Variants in TIMP3 observed in about 807,000 individuals in gnomAD.
The protein encoded by TIMP3 is metalloproteinase inhibitor 3.
In TIMP3, 11 loss-of-function variants were observed where a neutral mutation model predicts 30.0. That is an observed-to-expected ratio of 0.37 (90% CI 0.23 to 0.61). TIMP3 has a LOEUF of 0.61. Among genes scored for constraint, TIMP3 ranks in the 20% least tolerant of loss-of-function variants. The pLI is 0.70. For synonymous variants in TIMP3, 112 were observed against 111.3 expected (o/e 1.01, Z -0.04); for missense variants, 181 against 276.8 (o/e 0.65, Z 2.45).
intron 1 of TIMP3, among the ~76,000 whole-genome samples, chr22:32,826,446 A>C (rs1404991152): frequency 6.6e-6 from 1 of 152,040 alleles, no homozygotes; most frequent in Non-Finnish European, 1.5e-5. Context: ...ATAAATAAAT[A>C]AATAAACAAA....
At position 32,857,997 on chromosome 22, in the gene TIMP3, TTTC is replaced by T. The variant is rs773913795; in HGVS notation, c.317-14_317-12del. The T allele has an allele frequency of 6.2e-7, 1 of 1,614,096 alleles. No homozygotes were observed. The highest frequency in any genetic ancestry group is 8.5e-7 in the Non-Finnish European group (1 of 1,179,990). ...TCTGGACAAAACAACCTCTCCTTGT[TTTC>T]TTCTTTCCTCCTGTAGGTCGCGTCT... On this transcript the variant is annotated splice_polypyrimidine_tract_variant and intron_variant, in intron 3 of 4. Transcript: ENST00000266085.
intron 1 of TIMP3, among the ~76,000 whole-genome samples, chr22:32,822,242 A>G (rs2047270884): frequency 1.3e-5 from 2 of 151,902 alleles, no homozygotes; most frequent in South Asian, 4.2e-4. Context: ...CCTGTGCCCA[A>G]AGTCTTCCTC....
rs115715764 is a variant in TIMP3 at position 32,827,102 on chromosome 22, C to T, written c.122-22350C>T. 5.7e-3 allele frequency among the ~76,000 whole-genome samples: 871 copies of T among 152,294 alleles called. 11 individuals carry two copies. Among genetic ancestry groups the T allele is most frequent in the African/African-American group, 0.018 (749 of 41,548 alleles). On this transcript the variant is annotated intron_variant, in intron 1 of 4. Transcript: ENST00000266085. The stretch of plus-strand genomic sequence containing the variant: ...GGCCCACTCTGAAGTTAAAAATCCC[C>T]GAGTGAATAAATCTCCAGCCTCTCC...
intron 1 of TIMP3, among the ~76,000 whole-genome samples, chr22:32,817,172 T>C (rs2146034132): frequency 6.6e-6 from 1 of 152,036 alleles, no homozygotes; most frequent in East Asian, 1.9e-4. Flanking sequence ...GAGCCATGAT[T>C]GTACCACTGC....
chr22:32,854,039 T>C (rs2048295923), intron 2 of TIMP3, among the ~76,000 whole-genome samples: 3 of 152,360 alleles, frequency 2.0e-5, no homozygotes, highest in Admixed American at 2.0e-4. Flanking sequence ...GATTCTCTGA[T>C]GTCAGGACAT....
chr22:32,804,441 A>G (rs75708893), intron 1 of TIMP3, among the ~76,000 whole-genome samples: 2 of 152,332 alleles, frequency 1.3e-5, no homozygotes, highest in African/African-American at 4.8e-5. Context: ...CTTGGGACCC[A>G]CACAACCCCA....
chr22:32,818,985 C>A (rs566662355), intron 1 of TIMP3, among the ~76,000 whole-genome samples: 1 of 152,364 alleles, frequency 6.6e-6, no homozygotes, highest in South Asian at 2.1e-4. Context: ...GCCTCCTCCT[C>A]CTCTGACACA....
At chr22:32,814,520 G>A (rs1201580581) in intron 1 of TIMP3, among the ~76,000 whole-genome samples, 1 of 152,108 alleles carries the variant, frequency 6.6e-6, no homozygotes, top group East Asian at 1.9e-4. Flanking sequence ...GACAAGAGAT[G>A]GCTTGACCAG....
Position 32,801,959 on chromosome 22 carries a change from G to A in TIMP3, c.-43G>A, listed in dbSNP as rs760772288. The A allele has an allele frequency of 7.8e-5, 122 of 1,568,986 alleles. No individual in the cohort carries two copies. Among genetic ancestry groups the A allele is most frequent in the Non-Finnish European group, 9.6e-5 (112 of 1,166,006 alleles). On this transcript the variant is annotated 5_prime_UTR_variant, in exon 1 of 5. Transcript: ENST00000266085. This position sits in a 1 kb window ranked among gnomAD's most constrained non-coding sequence, Gnocchi z 4.7. Reference sequence around the variant, plus strand: ...CGCCGGCGGCGCGCACGGCAACTTTGGAGAGGCGAGCAGCAGCCCCGGCAG... The same window carrying A: ...CGCCGGCGGCGCGCACGGCAACTTTAGAGAGGCGAGCAGCAGCCCCGGCAG...
At chr22:32,802,230 G>GCAGA in intron 1 of TIMP3, 108 bp downstream of exon 1, 1 of 1,460,172 alleles carries the variant, frequency 6.8e-7, no homozygotes, top group Non-Finnish European at 9.1e-7. Context: ...CAGGAGAGGG[G>GCAGA]CAGACGGGGT....
chr22:32,836,827 G>T (rs150434519), intron 1 of TIMP3, among the ~76,000 whole-genome samples: 1 of 152,278 alleles, frequency 6.6e-6, no homozygotes, highest in East Asian at 1.9e-4. Flanking sequence ...CACATGAAGG[G>T]TAAGTTATAG....
intron 2 of TIMP3, among the ~76,000 whole-genome samples, chr22:32,850,688 C>T (rs1337687161): frequency 6.6e-6 from 1 of 152,144 alleles, no homozygotes; most frequent in Non-Finnish European, 1.5e-5. Context: ...AACTGTCCAG[C>T]CCTTTAACTT....
In TIMP3 at chr22:32,858,105, G is replaced by C; in HGVS notation, c.405G>C (p.Leu135=). ...TCACCCTCTCCCAGCGCAAGGGGCT[G>C]AACTATCGGTATCACCTGGGTTGTA... ...DQLTLSQRKG[L]NYRYHLGCNC... is the part of the protein sequence containing the mutation. The change falls in exon 4 of 5, where the codon CTG becomes CTC. Residue 135 remains leucine, a synonymous_variant. Transcript: ENST00000266085. 6.2e-7 allele frequency: 1 copy of C among 1,614,214 alleles called. No homozygotes were observed. The highest frequency in any genetic ancestry group is 8.5e-7 in the Non-Finnish European group (1 of 1,180,042).
intron 1 of TIMP3, among the ~76,000 whole-genome samples, chr22:32,816,165 G>T (rs1451935754): frequency 1.3e-5 from 2 of 152,134 alleles, no homozygotes; most frequent in African/African-American, 4.8e-5. Context: ...GTTGGGCGAG[G>T]TCAGTGTACC....
chr22:32,820,407 C>A (rs1387655022), intron 1 of TIMP3, among the ~76,000 whole-genome samples: 1 of 151,124 alleles, frequency 6.6e-6, no homozygotes, highest in African/African-American at 2.4e-5. Flanking sequence ...GTGTGTCATC[C>A]TCCTCTGCTC....
rs552054533 is a variant in TIMP3 at position 32,860,223 on chromosome 22, T to C, written c.*846T>C. 6.6e-6 allele frequency: 1 copy of C among 152,428 alleles called. No individual in the cohort carries two copies. Among genetic ancestry groups the C allele is most frequent in the African/African-American group, 2.4e-5 (1 of 41,590 alleles). 9.4% of individuals were successfully genotyped at this position (152,428 alleles called of 1,614,324 possible). A position where few individuals can be genotyped will look rare whatever the true frequency, so the allele number is the denominator to read the frequency against. ...CCCTGCCTCCCACCAGACTTCCTCCTGGAAAACGCTTTGGTAGATTTGGCC... is the reference window on the plus strand; with the variant it reads ...CCCTGCCTCCCACCAGACTTCCTCCCGGAAAACGCTTTGGTAGATTTGGCC... On this transcript the variant is annotated 3_prime_UTR_variant, in exon 5 of 5. Coordinates refer to ENST00000266085, the MANE Select transcript of TIMP3 (RefSeq NM_000362.5).
rs372334843 is a variant in TIMP3 at position 32,819,745 on chromosome 22, CAGA to C, written c.121+17627_121+17629del. ...CTTTTGTTTTCGAAAGTTCAAAAAA[CAGA>C]AGAGGAGGATTCTGAAACAGCAAAC... On this transcript the variant is annotated intron_variant, in intron 1 of 4. Coordinates refer to ENST00000266085, the MANE Select transcript of TIMP3 (RefSeq NM_000362.5). 1.2e-4 allele frequency among the ~76,000 whole-genome samples: 19 copies of C among 152,292 alleles called. No individual in the cohort carries two copies. The East Asian group carries it at 3.5e-3, about 28-fold the overall frequency.
At position 32,861,994 on chromosome 22, in the gene TIMP3, TA is replaced by T. The variant is rs2048554132; in HGVS notation, c.*2618del. The T allele has an allele frequency of 6.6e-6, 1 of 152,592 alleles. No homozygotes were observed. Among genetic ancestry groups the T allele is most frequent in the South Asian group, 2.1e-4 (1 of 4,820 alleles). 9.5% of individuals were successfully genotyped at this position (152,592 alleles called of 1,614,324 possible). ...AGTGGAATGGAGAGGAAAATACTTC[TA>T]GGCAAGCAGCTAGACTGGTGAATTG... On this transcript the variant is annotated 3_prime_UTR_variant, in exon 5 of 5. Transcript: ENST00000266085.
chr22:32,856,564 A>G (rs566826509), intron 2 of TIMP3, among the ~76,000 whole-genome samples: 2 of 152,182 alleles, frequency 1.3e-5, no homozygotes, highest in Non-Finnish European at 2.9e-5. Context: ...ATATTTTGAG[A>G]GTCCATGTGG....
Sources: gnomAD v4.1 joint callset for allele counts (sites outside exome capture counted in the v4.1 genomes callset) on GRCh38, gnomAD v4.1.1 for gene constraint, Gnocchi (gnomAD v3.1) non-coding constraint, MANE v1.5 for transcripts, NCBI Gene and HGNC (gene_info 2026-07-23, HGNC 2026-07-21) for gene names.